The following FREM2 variants were observed in gnomAD, a reference collection of about 807,000 sequenced individuals.
The protein encoded by FREM2 is FRAS1 related extracellular matrix 2, also known as FRAS1-related extracellular matrix protein 2.
FREM2 carries 119 observed loss-of-function variants against 219.9 expected under a neutral mutation model. That is an observed-to-expected ratio of 0.54 (90% CI 0.47 to 0.63). The LOEUF is 0.63. Among genes scored for constraint, FREM2 ranks in the 30% least tolerant of loss-of-function variants. FREM2 has a pLI of 0.00. For synonymous variants in FREM2, 1,562 were observed against 1,522.8 expected, an observed-to-expected ratio of 1.03 and a Z score of -0.60; for missense variants, 4,030 against 3,993.6, an observed-to-expected ratio of 1.01 and a Z score of -0.25.
At chr13:38,827,139 G>T (rs1475630356) in intron 6 of FREM2, among the ~76,000 whole-genome samples, 1 of 151,964 alleles carries the variant, frequency 6.6e-6, no homozygotes, top group East Asian at 1.9e-4. Context: ...TACAGATTTT[G>T]TATGTGAGTA....
chr13:38,781,869 G>A (rs1195927335), intron 4 of FREM2, among the ~76,000 whole-genome samples: 2 of 152,206 alleles, frequency 1.3e-5, no homozygotes, highest in African/African-American at 4.8e-5. Context: ...AGCCCAGAGA[G>A]TGAGCTAGGC....
At chr13:38,696,560 G>C (rs1487650136) in intron 1 of FREM2, among the ~76,000 whole-genome samples, 1 of 152,126 alleles carries the variant, frequency 6.6e-6, no homozygotes, top group African/African-American at 2.4e-5. Context: ...TGTAGTCTTA[G>C]AAACTCACTG....
rs1250350021 is a variant in FREM2 at position 38,764,357 on chromosome 13, T to A, written c.5317T>A (p.Phe1773Ile). Residue 1773 changes from phenylalanine to isoleucine, a missense_variant, in exon 3 of 24, where the codon TTT becomes ATT. Phe to Ile is a conservative substitution (Grantham distance 21, BLOSUM62 0). Transcript: ENST00000280481. The stretch of plus-strand genomic sequence containing the variant: ...TCGTCTGAATTGGGCATGGATCTCC[T>A]TTGAAAAGGAATATTACCTGGTCAA... ...NFRLNWAWISFEKEYYLVNED... is the reference protein window; with the variant it reads ...NFRLNWAWISIEKEYYLVNED... 3.1e-6 allele frequency: 5 copies of A among 1,608,854 alleles called. No homozygotes were observed. Among genetic ancestry groups the A allele is most frequent in the Non-Finnish European group, 4.3e-6 (5 of 1,175,310 alleles).
intron 13 of FREM2, among the ~76,000 whole-genome samples, chr13:38,858,527 GA>G (rs1877643539): frequency 2.0e-5 from 3 of 152,098 alleles, no homozygotes; most frequent in South Asian, 4.1e-4. Flanking sequence ...GCTACAGCTA[GA>G]AAAAAATAGC....
intron 2 of FREM2, among the ~76,000 whole-genome samples, chr13:38,753,523 A>C (rs1445511710): frequency 2.0e-5 from 3 of 152,208 alleles, no homozygotes; most frequent in African/African-American, 7.2e-5. Flanking sequence ...ATTCACACAC[A>C]TAATCATTTC....
chr13:38,805,904 A>T (rs1392604779), intron 6 of FREM2, among the ~76,000 whole-genome samples: 1 of 151,908 alleles, frequency 6.6e-6, no homozygotes, highest in Non-Finnish European at 1.5e-5. Context: ...CTTGACTATT[A>T]AAAATAGAAA....
chr13:38,774,748 C>T (rs1234985959), intron 4 of FREM2, among the ~76,000 whole-genome samples: 2 of 152,024 alleles, frequency 1.3e-5, no homozygotes, highest in Non-Finnish European at 2.9e-5. Context: ...TAATTTCTAG[C>T]CAGAGTAAAT....
intron 6 of FREM2, among the ~76,000 whole-genome samples, chr13:38,831,906 T>C (rs1876526989): frequency 6.6e-6 from 1 of 152,056 alleles, no homozygotes; most frequent in Non-Finnish European, 1.5e-5. Flanking sequence ...AGCCGTGAGC[T>C]ACTGCATCTG....
chr13:38,808,316 G>A (rs1044325187), intron 6 of FREM2, among the ~76,000 whole-genome samples: 5 of 151,776 alleles, frequency 3.3e-5, no homozygotes, highest in Admixed American at 1.3e-4. Context: ...TGGCTATTTC[G>A]CTTTCTTATC....
intron 6 of FREM2, among the ~76,000 whole-genome samples, chr13:38,820,846 C>T (rs768189605): frequency 7.9e-5 from 12 of 152,102 alleles, no homozygotes; most frequent in Non-Finnish European, 1.8e-4. Flanking sequence ...ACTTGCAGGG[C>T]TATGATTATT....
rs774641722 is a variant in FREM2 at position 38,688,323 on chromosome 13, A to C, written c.979A>C (p.Met327Leu). 1 of 1,614,164 alleles carries C rather than the reference A, an allele frequency of 6.2e-7. No individual in the cohort carries two copies. Among genetic ancestry groups the C allele is most frequent in the African/African-American group, 1.3e-5 (1 of 75,044 alleles). Residue 327 changes from methionine (M) to leucine (L), a missense_variant, in exon 1 of 24, where the codon ATG becomes CTG. By Grantham distance (15) the Met-to-Leu change is conservative. Around this residue, in one of 2 missense-constraint regions of FREM2, gnomAD observed 3,102 missense variants for 2,950.7 expected, o/e 1.05. Coordinates refer to ENST00000280481, the MANE Select transcript of FREM2 (RefSeq NM_207361.6). ...APKPSFVAMM[M>L]MEVDQFVLTA... ...CAAGCCCAGTTTCGTGGCCATGATG[A>C]TGATGGAGGTGGACCAGTTTGTACT...
intron 16 of FREM2, among the ~76,000 whole-genome samples, chr13:38,871,404 G>A (rs762344933): frequency 5.7e-4 from 87 of 152,194 alleles, no homozygotes; most frequent in Non-Finnish European, 1.1e-3. Context: ...TCTATGGAGT[G>A]TGATCTGACC....
At chr13:38,832,889 A>T (rs1027642637) in intron 6 of FREM2, among the ~76,000 whole-genome samples, 1 of 152,042 alleles carries the variant, frequency 6.6e-6, no homozygotes, top group Non-Finnish European at 1.5e-5. Context: ...TACATTAGAA[A>T]TTAGCTGGGT....
chr13:38,694,458 G>GCCAT (rs1870022383), intron 1 of FREM2, among the ~76,000 whole-genome samples: 1 of 152,158 alleles, frequency 6.6e-6, no homozygotes, highest in African/African-American at 2.4e-5. Flanking sequence ...TTTAAAAAAC[G>GCCAT]GAGAAAGCGC....
intron 11 of FREM2, among the ~76,000 whole-genome samples, chr13:38,855,475 AC>A (rs1877519294): frequency 1.3e-5 from 2 of 152,196 alleles, no homozygotes; most frequent in Admixed American, 1.3e-4. Context: ...CAATATTAGA[AC>A]TACTGATTGT....
chr13:38,730,811 T>C (rs1871734998), intron 2 of FREM2, among the ~76,000 whole-genome samples: 1 of 152,186 alleles, frequency 6.6e-6, no homozygotes, highest in Non-Finnish European at 1.5e-5. Flanking sequence ...TATTATTGTT[T>C]GTGTATTAAA....
chr13:38,740,454 C>G (rs1162746024), intron 2 of FREM2, among the ~76,000 whole-genome samples: 2 of 152,160 alleles, frequency 1.3e-5, no homozygotes, highest in African/African-American at 2.4e-5. Context: ...GTTTAACGTA[C>G]ATCAATTGTT....
At chr13:38,848,251 A>G (rs1195921222) in intron 7 of FREM2, among the ~76,000 whole-genome samples, 2 of 152,236 alleles carry the variant, frequency 1.3e-5, no homozygotes, top group African/African-American at 4.8e-5. Flanking sequence ...TGAAACATGG[A>G]TAAAGTTCAG....
intron 2 of FREM2, among the ~76,000 whole-genome samples, chr13:38,729,274 A>G (rs1380925296): frequency 6.6e-6 from 1 of 152,068 alleles, no homozygotes. Context: ...GGCTAGAATG[A>G]TGATTTTCTG....
Sources: gnomAD v4.1 joint callset for allele counts (sites outside exome capture counted in the v4.1 genomes callset) on GRCh38, gnomAD v4.1.1 for gene constraint, gnomAD v4.1.1 regional missense constraint, MANE v1.5 for transcripts, NCBI Gene and HGNC (gene_info 2026-07-23, HGNC 2026-07-21) for gene names.